Variants in VAV2 observed in about 807,000 individuals in gnomAD.
VAV2 encodes the protein vav guanine nucleotide exchange factor 2.
In VAV2, 67 loss-of-function variants were observed where a neutral mutation model predicts 132.5. The ratio of observed to expected loss-of-function variants is 0.51; its 90% CI spans 0.42 to 0.62. The LOEUF (loss-of-function observed/expected upper bound fraction) is 0.62, where lower values mean the gene tolerates loss of function less well. VAV2 is among the 20% of genes least tolerant of loss of function. The pLI is 0.00. For synonymous variants in VAV2, 492 were observed against 443.5 expected (o/e 1.11, Z -1.37); for missense variants, 938 against 1,153.6 (o/e 0.81, Z 2.71).
At chr9:133,859,283 G>A (rs1049470636) in intron 3 of VAV2, among the ~76,000 whole-genome samples, 3 of 152,260 alleles carry the variant, frequency 2.0e-5, no homozygotes, top group Non-Finnish European at 2.9e-5. Context: ...CCTCAGAGCT[G>A]CAGATGGGGC....
chr9:133,780,636 G>A (rs1428223016), intron 20 of VAV2, 58 bp downstream of exon 20: 22 of 1,185,766 alleles, frequency 1.9e-5, no homozygotes, highest in Non-Finnish European at 1.7e-5. Flanking sequence ...CTGGCTCTGC[G>A]CACACAGGGA....
In VAV2 at chr9:133,764,233, G is replaced by A. The variant is rs1455230002; in HGVS notation, c.2590-124C>T. On this transcript the variant is annotated intron_variant, in intron 29 of 29. Coordinates refer to ENST00000371850, the MANE Select transcript of VAV2 (RefSeq NM_001134398.2). The stretch of plus-strand genomic sequence containing the variant: ...AGATGGGGGGCCCTTCGGAAGTCCA[G>A]AGTTCTCAGAAGGACCTGGTGGAAC... The A allele has an allele frequency of 5.7e-6, 7 of 1,234,228 alleles. No individual in the cohort carries two copies. The East Asian group carries it at 1.8e-4, about 31-fold the overall frequency. 76.5% of individuals were successfully genotyped at this position (1,234,228 alleles called of 1,614,324 possible).
intron 1 of VAV2, among the ~76,000 whole-genome samples, chr9:133,978,738 G>A (rs188293090): frequency 2.6e-5 from 4 of 152,366 alleles, no homozygotes; most frequent in Admixed American, 2.6e-4. Flanking sequence ...ACTCAGGGGC[G>A]CAGCCGCTCA....
intron 3 of VAV2, among the ~76,000 whole-genome samples, chr9:133,851,845 G>GTGGA (rs1040673937): frequency 2.9e-5 from 4 of 139,958 alleles, no homozygotes; most frequent in East Asian, 2.1e-4. Context: ...GCACAAATGG[G>GTGGA]TGGATGGATG....
chr9:133,864,420 A>G (rs1837719859), intron 2 of VAV2, among the ~76,000 whole-genome samples: 1 of 152,218 alleles, frequency 6.6e-6, no homozygotes, highest in East Asian at 1.9e-4. Flanking sequence ...CTGAGGAACG[A>G]GGTGGGGACT....
intron 15 of VAV2, 112 bp from the exon 16 acceptor site, chr9:133,787,372 C>G: frequency 8.2e-7 from 1 of 1,220,756 alleles, no homozygotes; most frequent in Admixed American, 3.1e-5. Context: ...AGGTGGAACA[C>G]CCCCCAGTGC....
intron 2 of VAV2, among the ~76,000 whole-genome samples, chr9:133,904,219 G>A (rs1298113721): frequency 6.6e-6 from 1 of 152,166 alleles, no homozygotes; most frequent in Non-Finnish European, 1.5e-5. Flanking sequence ...ATTCTAAAGG[G>A]AACCACTCTG....
At chr9:133,978,466 G>T (rs892230735) in intron 1 of VAV2, among the ~76,000 whole-genome samples, 2 of 152,256 alleles carry the variant, frequency 1.3e-5, no homozygotes, top group Non-Finnish European at 2.9e-5. Flanking sequence ...GCCACAGCCC[G>T]CAAGCACCTG....
chr9:133,792,242 T>C (rs1374012878), intron 12 of VAV2, among the ~76,000 whole-genome samples: 2 of 138,232 alleles, frequency 1.4e-5, no homozygotes, highest in Non-Finnish European at 3.1e-5. Flanking sequence ...TGTGTGTGAC[T>C]GTGTGTATAA....
rs374598958 is a variant in VAV2 at position 133,786,480 on chromosome 9, G to GA, written c.1423-596_1423-595insT. On this transcript the variant is annotated intron_variant, in intron 16 of 29. Coordinates refer to ENST00000371850, the MANE Select transcript of VAV2 (RefSeq NM_001134398.2). ...TGCTCCACCGAGTGCATATGTAGAT[G>GA]CATGTTAAGCGGGGGCAGGATCCCA... 3.5e-4 allele frequency among the ~76,000 whole-genome samples: 52 copies of GA among 150,094 alleles called. 2 individuals are homozygous for GA. Among genetic ancestry groups the GA allele is most frequent in the African/African-American group, 1.2e-3 (49 of 41,482 alleles).
chr9:133,891,101 G>A (rs1379874587), intron 2 of VAV2, among the ~76,000 whole-genome samples: 3 of 151,342 alleles, frequency 2.0e-5, no homozygotes, highest in Non-Finnish European at 2.9e-5. Flanking sequence ...CAAGGCTCTT[G>A]CAAGGGAGCA....
chr9:133,823,810 G>C lies in VAV2; in HGVS notation c.449+10462C>G, dbSNP rs1030460843. On this transcript the variant is annotated intron_variant, in intron 4 of 29. Transcript: ENST00000371850. This position sits in a 1 kb window ranked among gnomAD's most constrained non-coding sequence, Gnocchi z 5.5. ...CCGAATCAGTCCTGAAAGCACTCGA[G>C]TTTAACGAGGTATTAAAAATGAAAA... 1.2e-4 allele frequency among the ~76,000 whole-genome samples: 18 copies of C among 152,200 alleles called. No homozygotes were observed. The highest frequency in any genetic ancestry group is 3.9e-4 in the African/African-American group (16 of 41,452).
intron 3 of VAV2, among the ~76,000 whole-genome samples, chr9:133,849,100 G>C (rs965357123): frequency 9.2e-5 from 14 of 152,192 alleles, no homozygotes; most frequent in African/African-American, 3.4e-4. Flanking sequence ...TGTTTTGCTT[G>C]TTACAGAGTA....
At chr9:133,773,013 T>C (rs912468054) in intron 25 of VAV2, among the ~76,000 whole-genome samples, 3 of 138,234 alleles carry the variant, frequency 2.2e-5, no homozygotes, top group African/African-American at 8.0e-5. Context: ...ACCCCACACC[T>C]AGGCTGGACG....
chr9:133,815,927 T>C (rs530124143), intron 4 of VAV2, among the ~76,000 whole-genome samples: 1 of 152,300 alleles, frequency 6.6e-6, no homozygotes, highest in East Asian at 1.9e-4. Context: ...AATGCTTTTC[T>C]AAAGTGGGTG....
intron 1 of VAV2, among the ~76,000 whole-genome samples, chr9:133,965,751 T>C (rs899947004): frequency 6.6e-5 from 10 of 152,066 alleles, no homozygotes; most frequent in Non-Finnish European, 1.5e-5. Flanking sequence ...AAAATACCAA[T>C]GACATTCTTC....
chr9:133,769,331 G>A lies in VAV2; in HGVS notation c.2434+86C>T. On this transcript the variant is annotated intron_variant, in intron 28 of 29. Coordinates refer to ENST00000371850, the MANE Select transcript of VAV2 (RefSeq NM_001134398.2). The surrounding 1 kb of genome is among the most constrained non-coding windows in gnomAD (Gnocchi z 8.1). ...AACTGTGGCCACGTCAGGCAGGGCT[G>A]TGGGGCCAGTGGGCAGCTCCGTGCT... 7.2e-7 allele frequency: 1 copy of A among 1,396,534 alleles called. No individual in the cohort carries two copies. The allele number at this position is 1,396,534 out of a possible 1,614,324, so 86.5% of individuals were successfully genotyped here.
intron 1 of VAV2, among the ~76,000 whole-genome samples, chr9:133,981,348 G>A (rs907179495): frequency 4.6e-5 from 7 of 152,204 alleles, no homozygotes; most frequent in Non-Finnish European, 7.3e-5. Context: ...CCAGCAGCGC[G>A]CCCAGGGCTT....
chr9:133,851,664 GTGGA>G (rs144389638), intron 3 of VAV2, among the ~76,000 whole-genome samples: 28,102 of 151,022 alleles, frequency 0.19, 3,241 homozygotes, highest in African/African-American at 0.33. Flanking sequence ...GGACAGAAGG[GTGGA>G]TGGATGGATG....
Sources: allele counts gnomAD v4.1 joint callset (sites outside exome capture counted in the v4.1 genomes callset), GRCh38; gene constraint gnomAD v4.1.1; non-coding constraint Gnocchi (gnomAD v3.1); transcripts MANE v1.5; gene names NCBI Gene and HGNC (gene_info 2026-07-23, HGNC 2026-07-21).